Variants in NDST1 observed in about 807,000 individuals in gnomAD.
NDST1 encodes N-deacetylase and N-sulfotransferase 1.
A neutral mutation model predicts 92.8 loss-of-function variants in NDST1; 35 were observed. That is an observed-to-expected ratio of 0.38 (90% CI 0.29 to 0.50). NDST1 has a LOEUF of 0.50. NDST1 is among the 20% of genes least tolerant of loss of function. NDST1 has a pLI of 0.94. For missense variants in NDST1, 822 were observed against 1,182.7 expected (o/e 0.69, Z 4.47); for synonymous variants, 493 against 500.3 (o/e 0.99, Z 0.19).
In NDST1 at chr5:150,556,136, C is replaced by G. The variant is rs529431207; in HGVS notation, c.*2804C>G. 1 of 152,228 alleles carries G rather than the reference C, an allele frequency of 6.6e-6. No individual in the cohort carries two copies. Among genetic ancestry groups the G allele is most frequent in the Non-Finnish European group, 1.5e-5 (1 of 68,102 alleles). 9.4% of individuals were successfully genotyped at this position (152,228 alleles called of 1,614,324 possible). ...AGTCTTCAATGTCCACTAATTCACT[C>G]TAAGCATTTGGCCAAAAAAAGGAGA... is the stretch of plus-strand genomic sequence containing the variant. On this transcript the variant is annotated 3_prime_UTR_variant, in exon 15 of 15. Transcript: ENST00000261797.
chr5:150,539,291 G>A lies in NDST1; in HGVS notation c.1501G>A (p.Gly501Ser), dbSNP rs1286119272. ...HTIFYNEYPG[G>S]SSELDKIING... ...CATCTTCTACAACGAGTACCCTGGC[G>A]GCTCCAGTGAGCTGGACAAGATCAT... is the stretch of plus-strand genomic sequence containing the variant. The change falls in exon 7 of 15, where the codon GGC (glycine) becomes AGC (serine). Residue 501 changes from glycine to serine, a missense_variant. Transcript: ENST00000261797. 7 of 1,613,916 alleles carry A rather than the reference G, an allele frequency of 4.3e-6. No homozygotes were observed. The highest frequency in any genetic ancestry group is 1.1e-5 in the South Asian group (1 of 91,082).
intron 11 of NDST1, 100 bp from the exon 12 acceptor site, chr5:150,548,118 A>T: frequency 7.0e-7 from 1 of 1,420,120 alleles, no homozygotes; most frequent in Non-Finnish European, 9.7e-7. Flanking sequence ...TCCTGGGTCC[A>T]GCTGAGGATC....
chr5:150,509,896 C>T (rs981679532), intron 1 of NDST1, among the ~76,000 whole-genome samples: 3 of 152,208 alleles, frequency 2.0e-5, no homozygotes, highest in Non-Finnish European at 4.4e-5. Context: ...CCATGGTGCA[C>T]CTCTCTGCAG....
intron 10 of NDST1, among the ~76,000 whole-genome samples, chr5:150,543,787 T>C (rs1581403161): frequency 6.6e-6 from 1 of 151,860 alleles, no homozygotes; most frequent in Admixed American, 6.6e-5. Context: ...GTCTTTCTTT[T>C]TTTTTTTTTT....
chr5:150,542,981 C>T lies in NDST1; in HGVS notation c.1970+10C>T, dbSNP rs75978931. ...ACAAAGGCATCGACTGGTGAGTTGG[C>T]CTTTCTGTCCACAGCGGGACGGGAA... On this transcript the variant is annotated intron_variant, in intron 10 of 14. Transcript: ENST00000261797. 1,919 of 1,613,806 alleles carry T rather than the reference C, an allele frequency of 1.2e-3. 28 individuals carry two copies. In the African/African-American group the frequency reaches 0.023, roughly 20 times the overall value.
Position 150,553,806 on chromosome 5 carries a change from G to T in NDST1, c.*474G>T. On this transcript the variant is annotated 3_prime_UTR_variant, in exon 15 of 15. Transcript: ENST00000261797. This position sits in a 1 kb window ranked among gnomAD's most constrained non-coding sequence, Gnocchi z 4.2. Reference sequence around the variant, plus strand: ...TGTTTCGAGCCAGGCTCTTCCAAGGGGCCAGCTGGGTCCCCGGAGTCAGTC... The same window carrying T: ...TGTTTCGAGCCAGGCTCTTCCAAGGTGCCAGCTGGGTCCCCGGAGTCAGTC... 2.2e-6 allele frequency: 1 copy of T among 453,338 alleles called. No individual in the cohort carries two copies. The highest frequency in any genetic ancestry group is 4.0e-6 in the Non-Finnish European group (1 of 250,998). The allele number at this position is 453,338 out of a possible 1,614,324, so 28.1% of individuals were successfully genotyped here. A position where few individuals can be genotyped will look rare whatever the true frequency, so the allele number is the denominator to read the frequency against.
chr5:150,523,828 C>T (rs544240981), intron 2 of NDST1, among the ~76,000 whole-genome samples: 4 of 152,198 alleles, frequency 2.6e-5, no homozygotes, highest in African/African-American at 2.4e-5. Context: ...AGAGTCTCAT[C>T]GTGGGGCCAG....
chr5:150,513,760 C>T (rs1455078421), intron 1 of NDST1, among the ~76,000 whole-genome samples: 3 of 152,248 alleles, frequency 2.0e-5, no homozygotes, highest in African/African-American at 7.2e-5. Context: ...GGACCCCCTT[C>T]CCTGGTCCCA....
chr5:150,520,083 C>T lies in NDST1; in HGVS notation c.-387-785C>T, dbSNP rs115746812. Among the ~76,000 whole-genome samples, 720 of 152,092 alleles carry T rather than the reference C, an allele frequency of 4.7e-3. 3 individuals carry two copies. The highest frequency in any genetic ancestry group is 0.016 in the African/African-American group (677 of 41,464). The stretch of plus-strand genomic sequence containing the variant: ...TGTGTGCACCTGTGGGTACGTACCC[C>T]GAGGATGAGAGATACCTGGTTGCAT... On this transcript the variant is annotated intron_variant, in intron 1 of 14. Coordinates refer to ENST00000261797, the MANE Select transcript of NDST1 (RefSeq NM_001543.5).
At chr5:150,542,755 C>T in intron 9 of NDST1, 93 bp from the exon 10 acceptor site, 1 of 1,541,264 alleles carries the variant, frequency 6.5e-7, no homozygotes, top group South Asian at 1.1e-5. Flanking sequence ...CCAGGAGCCC[C>T]CAGTGGGTCG....
chr5:150,546,465 G>C (rs760918736), intron 11 of NDST1, among the ~76,000 whole-genome samples: 1 of 152,232 alleles, frequency 6.6e-6, no homozygotes, highest in Non-Finnish European at 1.5e-5. Flanking sequence ...TGATTCAGAA[G>C]TGGCGCCCCA....
intron 13 of NDST1, chr5:150,550,790 G>T (rs1416914252): frequency 6.6e-6 from 1 of 152,244 alleles, no homozygotes; most frequent in Non-Finnish European, 1.5e-5. Context: ...CTGGGTTAGG[G>T]CCCCACATCC....
chr5:150,520,953 C>A lies in NDST1; in HGVS notation c.-302C>A. The A allele has an allele frequency of 1.8e-6, 1 of 557,194 alleles. No individual in the cohort carries two copies. The highest frequency in any genetic ancestry group is 3.2e-6 in the Non-Finnish European group (1 of 316,604). The allele number at this position is 557,194 out of a possible 1,614,324, so 34.5% of individuals were successfully genotyped here. A position where few individuals can be genotyped will look rare whatever the true frequency, so the allele number is the denominator to read the frequency against. The stretch of plus-strand genomic sequence containing the variant: ...TCCTCTGGCCTGCTGCCCTGCACCC[C>A]CAGAAGGCCCTGACGCCCTGGGGCA... On this transcript the variant is annotated 5_prime_UTR_variant, in exon 2 of 15. Coordinates refer to ENST00000261797, the MANE Select transcript of NDST1 (RefSeq NM_001543.5).
chr5:150,513,971 A>G (rs1753845194), intron 1 of NDST1, among the ~76,000 whole-genome samples: 1 of 152,228 alleles, frequency 6.6e-6, no homozygotes. Flanking sequence ...CTCATTCATT[A>G]TCCTCAGCAC....
upstream of NDST1, among the ~76,000 whole-genome samples, chr5:150,504,676 C>T (rs1227125034): frequency 6.6e-6 from 1 of 152,172 alleles, no homozygotes; most frequent in Non-Finnish European, 1.5e-5. Context: ...CCTTCCTGGC[C>T]TGGTGACCTT....
At chr5:150,523,021 C>T (rs1750524901) in intron 2 of NDST1, among the ~76,000 whole-genome samples, 1 of 152,176 alleles carries the variant, frequency 6.6e-6, no homozygotes, top group South Asian at 2.1e-4. Context: ...CTTCCTGGTG[C>T]ACTTGCGCAC....
chr5:150,507,108 G>C (rs924249500), upstream of NDST1, among the ~76,000 whole-genome samples: 1 of 152,180 alleles, frequency 6.6e-6, no homozygotes, highest in Non-Finnish European at 1.5e-5. Flanking sequence ...CTGGGCCTTA[G>C]GTGACTTCTT....
At chr5:150,513,438 G>C (rs1753816858) in intron 1 of NDST1, among the ~76,000 whole-genome samples, 1 of 152,132 alleles carries the variant, frequency 6.6e-6, no homozygotes. Flanking sequence ...GGGAAGGCTG[G>C]AGTGATCCTG....
At chr5:150,517,004 TG>T (rs1754002882) in intron 1 of NDST1, among the ~76,000 whole-genome samples, 3 of 151,806 alleles carry the variant, frequency 2.0e-5, no homozygotes, top group Non-Finnish European at 4.4e-5. Flanking sequence ...TGTGTGTGTG[TG>T]TGTGTGTGTG....
Sources: gnomAD v4.1 joint callset for allele counts (sites outside exome capture counted in the v4.1 genomes callset) on GRCh38, gnomAD v4.1.1 for gene constraint, Gnocchi (gnomAD v3.1) non-coding constraint, MANE v1.5 for transcripts, NCBI Gene and HGNC (gene_info 2026-07-23, HGNC 2026-07-21) for gene names.